The following KCNQ1 variants were observed in gnomAD, a reference collection of about 807,000 sequenced individuals.
KCNQ1 encodes the protein potassium voltage-gated channel subfamily Q member 1.
In KCNQ1, 49 loss-of-function variants were observed where a neutral mutation model predicts 72.4. The ratio of observed to expected loss-of-function variants is 0.68; its 90% CI spans 0.54 to 0.86. The LOEUF (loss-of-function observed/expected upper bound fraction) is 0.86. KCNQ1 is among the 40% of genes least tolerant of loss of function. KCNQ1 has a pLI of 0.00. For synonymous variants in KCNQ1, 450 were observed against 412.6 expected, an observed-to-expected ratio of 1.09 and a Z score of -1.10; for missense variants, 790 against 945.1, an observed-to-expected ratio of 0.84 and a Z score of 2.15.
In KCNQ1 at chr11:2,785,526, T is replaced by C. The variant is rs1300678357; in HGVS notation, c.1794+7489T>C. Among the ~76,000 whole-genome samples, 1 of 151,920 alleles carries C rather than the reference T, an allele frequency of 6.6e-6. No homozygotes were observed. The highest frequency in any genetic ancestry group is 1.5e-5 in the Non-Finnish European group (1 of 67,826). ...TTTGATGTCAGATTTTTAAATCCTT[T>C]TCTTTTTAATCCTACAACCGTAGGA... On this transcript the variant is annotated intron_variant, in intron 15 of 15. Transcript: ENST00000155840. This position sits in a 1 kb window ranked among gnomAD's most constrained non-coding sequence, Gnocchi z 4.4.
intron 1 of KCNQ1, among the ~76,000 whole-genome samples, chr11:2,519,070 C>T (rs1442922465): frequency 1.3e-5 from 2 of 152,174 alleles, no homozygotes; most frequent in Non-Finnish European, 2.9e-5. Context: ...CAATGGCAGA[C>T]AGGGTGCTGT....
rs1021540832 is a variant in KCNQ1 at position 2,495,024 on chromosome 11, G to A, written c.387-32904G>A. 5.9e-5 allele frequency among the ~76,000 whole-genome samples: 9 copies of A among 152,204 alleles called. No homozygotes were observed. The highest frequency in any genetic ancestry group is 3.9e-4 in the East Asian group (2 of 5,180). On this transcript the variant is annotated intron_variant, in intron 1 of 15. Coordinates refer to ENST00000155840, the MANE Select transcript of KCNQ1 (RefSeq NM_000218.3). This position sits in a 1 kb window ranked among gnomAD's most constrained non-coding sequence, Gnocchi z 4.6. ...TACTGCCTCAATTTCAGAACTTGTTGTTGGTCTATTCAGGGATTCGACTTT... is the reference window on the plus strand; with the variant it reads ...TACTGCCTCAATTTCAGAACTTGTTATTGGTCTATTCAGGGATTCGACTTT...
In KCNQ1 at chr11:2,508,451, C is replaced by T. The variant is rs1204700010; in HGVS notation, c.387-19477C>T. Among the ~76,000 whole-genome samples the T allele has an allele frequency of 6.6e-6, 1 of 152,150 alleles. No individual in the cohort carries two copies. Among genetic ancestry groups the T allele is most frequent in the Non-Finnish European group, 1.5e-5 (1 of 68,010 alleles). On this transcript the variant is annotated intron_variant, in intron 1 of 15. Transcript: ENST00000155840. The surrounding 1 kb of genome is among the most constrained non-coding windows in gnomAD (Gnocchi z 6.2). ...ACACAGCTCCCGAGGCCTGGCTGCT[C>T]TGCATGGGGAGGAGTGTGGGTCCTG...
rs1361231199 is a variant in KCNQ1 at position 2,598,595 on chromosome 11, G to T, written c.1393+9741G>T. On this transcript the variant is annotated intron_variant, in intron 10 of 15. Transcript: ENST00000155840. This position sits in a 1 kb window ranked among gnomAD's most constrained non-coding sequence, Gnocchi z 6.2. ...CTTATTCATTGCCTCATTTAGGTCT[G>T]CTCTGCCCTTAGTTAAAAAAAAAAA... is the stretch of plus-strand genomic sequence containing the variant. Among the ~76,000 whole-genome samples, 1 of 141,724 alleles carries T rather than the reference G, an allele frequency of 7.1e-6. No individual in the cohort carries two copies. The highest frequency in any genetic ancestry group is 3.7e-3 in the Middle Eastern group (1 of 270). 93.0% of individuals were successfully genotyped at this position (141,724 alleles called of 152,430 possible). A position where few individuals can be genotyped will look rare whatever the true frequency, so the allele number is the denominator to read the frequency against.
At position 2,661,597 on chromosome 11, in the gene KCNQ1, C is replaced by G; in HGVS notation, c.1394-364C>G. 1 of 569,602 alleles carries G rather than the reference C, an allele frequency of 1.8e-6. No homozygotes were observed. Among genetic ancestry groups the G allele is most frequent in the East Asian group, 2.8e-5 (1 of 35,742 alleles). 35.3% of individuals were successfully genotyped at this position (569,602 alleles called of 1,614,324 possible). On this transcript the variant is annotated intron_variant, in intron 10 of 15. Coordinates refer to ENST00000155840, the MANE Select transcript of KCNQ1 (RefSeq NM_000218.3). The surrounding 1 kb of genome is among the most constrained non-coding windows in gnomAD (Gnocchi z 5.9). ...GGTGGTGGGAGCTGTTGTCCCTTACCAGGCCTGTGCCTGTCACCTCTGTTT... is the reference window on the plus strand; with the variant it reads ...GGTGGTGGGAGCTGTTGTCCCTTACGAGGCCTGTGCCTGTCACCTCTGTTT...
chr11:2,845,743 T>C (rs1032773117), intron 15 of KCNQ1, among the ~76,000 whole-genome samples: 4 of 152,108 alleles, frequency 2.6e-5, no homozygotes, highest in Non-Finnish European at 5.9e-5. Context: ...GGGCTGGAAG[T>C]GGGTCCCCTG....
intron 2 of KCNQ1, among the ~76,000 whole-genome samples, chr11:2,540,664 C>G (rs1390219987): frequency 6.6e-6 from 1 of 152,236 alleles, no homozygotes; most frequent in Non-Finnish European, 1.5e-5. Flanking sequence ...GGACAATAGT[C>G]TCCTCCCCAA....
chr11:2,825,928 G>A (rs894149204), intron 15 of KCNQ1, among the ~76,000 whole-genome samples: 7 of 152,114 alleles, frequency 4.6e-5, no homozygotes, highest in Non-Finnish European at 7.4e-5. Context: ...AGGGCCACCC[G>A]GAGCCCCTTC....
At position 2,745,959 on chromosome 11, in the gene KCNQ1, G is replaced by A. The variant is rs231900; in HGVS notation, c.1515-22885G>A. Among the ~76,000 whole-genome samples, 48,154 of 152,024 alleles carry A rather than the reference G, an allele frequency of 0.32. 8,186 individuals are homozygous for A. Among genetic ancestry groups the A allele is most frequent in the East Asian group, 0.58 (2,998 of 5,154 alleles). On this transcript the variant is annotated intron_variant, in intron 11 of 15. Transcript: ENST00000155840. This position sits in a 1 kb window ranked among gnomAD's most constrained non-coding sequence, Gnocchi z 6.2. The stretch of plus-strand genomic sequence containing the variant: ...GGCTGGAGTGCAGTGGTGCGATCTC[G>A]GCTCACTGCAAACTCCACCTCCCGG...
chr11:2,750,821 C>T lies in KCNQ1; in HGVS notation c.1515-18023C>T, dbSNP rs1170004130. ...TTTCTTTCTCCGGCATGCTGGAAGC[C>T]GGCCAACTCGCCAGTTCCATTAACT... On this transcript the variant is annotated intron_variant, in intron 11 of 15. Transcript: ENST00000155840. This position sits in a 1 kb window ranked among gnomAD's most constrained non-coding sequence, Gnocchi z 6.3. Among the ~76,000 whole-genome samples, 4 of 152,150 alleles carry T rather than the reference C, an allele frequency of 2.6e-5. No individual in the cohort carries two copies. The highest frequency in any genetic ancestry group is 6.5e-5 in the Admixed American group (1 of 15,280).
rs149734550 is a variant in KCNQ1, at chr11:2,515,605, T to A, written c.387-12323T>A. ...GGGGTGGGGGGTGCACAGGTGCATC[T>A]GGTCTGCCCAGCCCCTCCTCACCCT... On this transcript the variant is annotated intron_variant, in intron 1 of 15. Transcript: ENST00000155840. This position sits in a 1 kb window ranked among gnomAD's most constrained non-coding sequence, Gnocchi z 4.7. 0.022 allele frequency among the ~76,000 whole-genome samples: 3,408 copies of A among 152,240 alleles called. 106 individuals carry two copies. Among genetic ancestry groups the A allele is most frequent in the African/African-American group, 0.07 (2,927 of 41,550 alleles).
chr11:2,841,881 C>T (rs1341462353), intron 15 of KCNQ1, among the ~76,000 whole-genome samples: 1 of 152,204 alleles, frequency 6.6e-6, no homozygotes, highest in Non-Finnish European at 1.5e-5. Context: ...TCTTGGGCCT[C>T]TCTCAGAGGG....
At chr11:2,476,713 GTC>G (rs1393099951) in intron 1 of KCNQ1, among the ~76,000 whole-genome samples, 2 of 150,004 alleles carry the variant, frequency 1.3e-5, no homozygotes, top group African/African-American at 4.9e-5. Context: ...TTAAGACAGA[GTC>G]TCACTCAATC....
chr11:2,781,212 A>C lies in KCNQ1; in HGVS notation c.1794+3175A>C, dbSNP rs996366549. Among the ~76,000 whole-genome samples the C allele has an allele frequency of 2.2e-4, 33 of 152,140 alleles. No homozygotes were observed. The highest frequency in any genetic ancestry group is 5.9e-5 in the Non-Finnish European group (4 of 68,028). The stretch of plus-strand genomic sequence containing the variant: ...CCTGGAGAGGACTCTTATTTGCTCA[A>C]ATGCCCACATAAATCCTCTTTTACA... On this transcript the variant is annotated intron_variant, in intron 15 of 15. Coordinates refer to ENST00000155840, the MANE Select transcript of KCNQ1 (RefSeq NM_000218.3). This position sits in a 1 kb window ranked among gnomAD's most constrained non-coding sequence, Gnocchi z 6.6.
At position 2,670,722 on chromosome 11, in the gene KCNQ1, G is replaced by A. The variant is rs950245739; in HGVS notation, c.1514+8641G>A. ...ATTCTGTGGCCCATGGAGCAGGAGG[G>A]AACAGTCTGCAGATATTATCTGGGC... On this transcript the variant is annotated intron_variant, in intron 11 of 15. Coordinates refer to ENST00000155840, the MANE Select transcript of KCNQ1 (RefSeq NM_000218.3). This position sits in a 1 kb window ranked among gnomAD's most constrained non-coding sequence, Gnocchi z 4.9. The A allele has an allele frequency of 4.8e-5, 19 of 398,488 alleles. No individual in the cohort carries two copies. The highest frequency in any genetic ancestry group is 8.0e-5 in the Non-Finnish European group (18 of 226,108). The allele number at this position is 398,488 out of a possible 1,614,324, so 24.7% of individuals were successfully genotyped here.
intron 15 of KCNQ1, among the ~76,000 whole-genome samples, chr11:2,791,718 GC>G (rs1381455956): frequency 1.3e-5 from 2 of 152,052 alleles, no homozygotes; most frequent in Non-Finnish European, 2.9e-5. Context: ...GGGGGCCCGG[GC>G]CTCCCGGGCT....
rs1426353747 is a variant in KCNQ1 at position 2,484,907 on chromosome 11, C to T, written c.386+39423C>T. ...CTCTCTTTGTTGTAACACCTTTCTT[C>T]AATAGTGAGAAACCTGGCTCTCTCA... On this transcript the variant is annotated intron_variant, in intron 1 of 15. Transcript: ENST00000155840. The surrounding 1 kb of genome is among the most constrained non-coding windows in gnomAD (Gnocchi z 5.2). Among the ~76,000 whole-genome samples the T allele has an allele frequency of 6.6e-6, 1 of 152,202 alleles. No homozygotes were observed. Among genetic ancestry groups the T allele is most frequent in the Non-Finnish European group, 1.5e-5 (1 of 68,036 alleles).
At position 2,481,626 on chromosome 11, in the gene KCNQ1, G is replaced by A. The variant is rs571128555; in HGVS notation, c.386+36142G>A. Among the ~76,000 whole-genome samples, 9 of 152,302 alleles carry A rather than the reference G, an allele frequency of 5.9e-5. No homozygotes were observed. Among genetic ancestry groups the A allele is most frequent in the East Asian group, 1.9e-4 (1 of 5,178 alleles). ...TATTTACAGTCACTCCCCATCACTC[G>A]CATTACCGCGTGAGCTCTGCCTCCT... On this transcript the variant is annotated intron_variant, in intron 1 of 15. Transcript: ENST00000155840. This position sits in a 1 kb window ranked among gnomAD's most constrained non-coding sequence, Gnocchi z 4.6.
At chr11:2,469,078 T>A (rs1486166163) in intron 1 of KCNQ1, among the ~76,000 whole-genome samples, 1 of 152,128 alleles carries the variant, frequency 6.6e-6, no homozygotes, top group Non-Finnish European at 1.5e-5. Flanking sequence ...CAACACTTGG[T>A]GTGGTCGGTC....
Sources: allele counts gnomAD v4.1 joint callset (sites outside exome capture counted in the v4.1 genomes callset), GRCh38; gene constraint gnomAD v4.1.1; non-coding constraint Gnocchi (gnomAD v3.1); transcripts MANE v1.5; gene names NCBI Gene and HGNC (gene_info 2026-07-23, HGNC 2026-07-21).